Variants in METAP1D observed in about 807,000 individuals in gnomAD.
METAP1D encodes the protein methionyl aminopeptidase type 1D, mitochondrial.
METAP1D carries 31 observed loss-of-function variants against 40.5 expected under a neutral mutation model. The ratio of observed to expected loss-of-function variants is 0.77; its 90% CI spans 0.58 to 1.03. The LOEUF (loss-of-function observed/expected upper bound fraction) is 1.03, where lower values mean the gene tolerates loss of function less well. METAP1D is among the 50% of genes least tolerant of loss of function. METAP1D has a pLI of 0.00. For synonymous variants in METAP1D, 151 were observed against 146.4 expected (o/e 1.03, Z -0.22); for missense variants, 411 against 420.7 (o/e 0.98, Z 0.20).
chr2:172,069,138 A>G (rs1305127351), intron 5 of METAP1D, among the ~76,000 whole-genome samples: 1 of 152,060 alleles, frequency 6.6e-6, no homozygotes, highest in Non-Finnish European at 1.5e-5. Flanking sequence ...GCTGGTCTTA[A>G]ACTCCTGGTC....
At position 172,079,256 on chromosome 2, in the gene METAP1D, A is replaced by G; in HGVS notation, c.844A>G (p.Thr282Ala). ...DLPMEEGMAF[T>A]IEPIITEGSP... ...ACCCATGGAGGAGGGCATGGCATTCACTATAGGTAAATTGAGCTCCTCTTC... is the reference window on the plus strand; with the variant it reads ...ACCCATGGAGGAGGGCATGGCATTCGCTATAGGTAAATTGAGCTCCTCTTC... Residue 282 changes from threonine (T) to alanine (A), a missense_variant, in exon 8 of 10, where the codon ACT becomes GCT. Thr to Ala is a moderately conservative substitution (Grantham distance 58). Transcript: ENST00000315796. 1 of 1,613,768 alleles carries G rather than the reference A, an allele frequency of 6.2e-7. No homozygotes were observed. The highest frequency in any genetic ancestry group is 1.3e-5 in the African/African-American group (1 of 74,894).
rs1689549463 is a variant in METAP1D, at chr2:172,042,156, TACATGTGTACAC to T, written c.41-19340_41-19329del. Among the ~76,000 whole-genome samples the T allele has an allele frequency of 2.6e-5, 3 of 115,112 alleles. 1 individual carries two copies. Among genetic ancestry groups the T allele is most frequent in the Non-Finnish European group, 4.1e-5 (2 of 48,670 alleles). The allele number at this position is 115,112 out of a possible 152,430, so 75.5% of individuals were successfully genotyped here. ...ATATGTATATATACATATGTATGTG[TACATGTGTACAC>T]ATATACATATGTATGTGTACATGTG... On this transcript the variant is annotated intron_variant, in intron 1 of 9. Coordinates refer to ENST00000315796, the MANE Select transcript of METAP1D (RefSeq NM_199227.3).
chr2:172,053,556 C>G (rs1009613499), intron 1 of METAP1D, among the ~76,000 whole-genome samples: 5 of 152,188 alleles, frequency 3.3e-5, no homozygotes, highest in Non-Finnish European at 1.5e-5. Flanking sequence ...TCATTTAAAT[C>G]TGGCAGGCAT....
chr2:172,024,762 G>GTGTGTGTGTA lies in METAP1D; in HGVS notation c.40+24762_40+24763insATGTGTGTGT, dbSNP rs1553491387. Among the ~76,000 whole-genome samples the GTGTGTGTGTA allele has an allele frequency of 4.0e-4, 60 of 150,536 alleles. 1 individual carries two copies. Among genetic ancestry groups the GTGTGTGTGTA allele is most frequent in the Middle Eastern group, 3.4e-3 (1 of 292 alleles). ...AGACATATAGATTGTGTGTGTGTGT[G>GTGTGTGTGTA]TGTGTGTGTGTGTGTGTGTGTGTGT... On this transcript the variant is annotated intron_variant, in intron 1 of 9. Transcript: ENST00000315796.
At chr2:172,010,945 G>A (rs1257229543) in intron 1 of METAP1D, among the ~76,000 whole-genome samples, 1 of 151,830 alleles carries the variant, frequency 6.6e-6, no homozygotes, top group East Asian at 1.9e-4. Context: ...TAGAGGTGGG[G>A]TTTCACCATG....
In METAP1D at chr2:172,045,795, ATATG is replaced by A. The variant is rs1270785418; in HGVS notation, c.41-15701_41-15698del. On this transcript the variant is annotated intron_variant, in intron 1 of 9. Transcript: ENST00000315796. The stretch of plus-strand genomic sequence containing the variant: ...TGTATATATGTGTATGTATATGTAT[ATATG>A]TGTGTGTGTGTGTGTGTGTGTATAT... 8.2e-3 allele frequency among the ~76,000 whole-genome samples: 153 copies of A among 18,650 alleles called. 1 individual carries two copies. Among genetic ancestry groups the A allele is most frequent in the African/African-American group, 0.019 (123 of 6,536 alleles). The allele number at this position is 18,650 out of a possible 152,430, so 12.2% of individuals were successfully genotyped here.
rs557910635 is a variant in METAP1D at position 172,011,394 on chromosome 2, C to T, written c.40+11385C>T. Among the ~76,000 whole-genome samples, 10 of 151,766 alleles carry T rather than the reference C, an allele frequency of 6.6e-5. No individual in the cohort carries two copies. The East Asian group carries it at 1.9e-3, about 29-fold the overall frequency. ...CCGCATCCCAGGTTCATGCCATTCTCCTGCCTCAGCCTCCAGAGTAGCTGG... is the reference window on the plus strand; with the variant it reads ...CCGCATCCCAGGTTCATGCCATTCTTCTGCCTCAGCCTCCAGAGTAGCTGG... On this transcript the variant is annotated intron_variant, in intron 1 of 9. Transcript: ENST00000315796.
intron 1 of METAP1D, among the ~76,000 whole-genome samples, chr2:172,041,612 G>T (rs1318903281): frequency 2.4e-5 from 3 of 123,370 alleles, no homozygotes; most frequent in African/African-American, 8.0e-5. Flanking sequence ...CTGAAGACTG[G>T]TTGCCCCCAA....
At chr2:172,041,015 C>T (rs1250473136) in intron 1 of METAP1D, among the ~76,000 whole-genome samples, 1 of 151,726 alleles carries the variant, frequency 6.6e-6, no homozygotes, top group African/African-American at 2.4e-5. Flanking sequence ...ATCCGCCCGC[C>T]TCGGCCTCCC....
chr2:172,041,330 G>T (rs1258938459), intron 1 of METAP1D, among the ~76,000 whole-genome samples: 3 of 84,734 alleles, frequency 3.5e-5, no homozygotes, highest in African/African-American at 9.3e-5. Flanking sequence ...GTGGTGGTGT[G>T]CACCTATAGT....
chr2:172,027,461 T>C (rs1439291811), intron 1 of METAP1D, among the ~76,000 whole-genome samples: 1 of 152,234 alleles, frequency 6.6e-6, no homozygotes, highest in Non-Finnish European at 1.5e-5. Flanking sequence ...CTATCCCATA[T>C]AGCATAGGGA....
At chr2:172,032,604 A>G (rs1258273272) in intron 1 of METAP1D, among the ~76,000 whole-genome samples, 2 of 152,226 alleles carry the variant, frequency 1.3e-5, no homozygotes, top group Non-Finnish European at 2.9e-5. Flanking sequence ...TCTTTTTAGA[A>G]GTATTTCTGC....
At chr2:172,048,932 A>G (rs765575840) in intron 1 of METAP1D, among the ~76,000 whole-genome samples, 14 of 152,178 alleles carry the variant, frequency 9.2e-5, no homozygotes, top group Non-Finnish European at 1.9e-4. Flanking sequence ...TAAAGAGTAC[A>G]TGTTTTTTTG....
intron 1 of METAP1D, among the ~76,000 whole-genome samples, chr2:172,060,521 G>A (rs1194500205): frequency 6.6e-6 from 1 of 151,644 alleles, no homozygotes; most frequent in Non-Finnish European, 1.5e-5. Flanking sequence ...AATTTTATGA[G>A]CACGTGCAAG....
At chr2:172,020,584 A>G (rs1469222600) in intron 1 of METAP1D, among the ~76,000 whole-genome samples, 2 of 152,244 alleles carry the variant, frequency 1.3e-5, no homozygotes, top group Non-Finnish European at 2.9e-5. Context: ...GGCTTACTAT[A>G]TGCCAGACAC....
intron 1 of METAP1D, among the ~76,000 whole-genome samples, chr2:172,004,600 T>C (rs552127816): frequency 1.3e-5 from 2 of 152,074 alleles, no homozygotes; most frequent in Non-Finnish European, 2.9e-5. Context: ...GCTGGGATTA[T>C]AAGCATGAGC....
At chr2:172,078,886 G>A (rs1470528025) in intron 7 of METAP1D, among the ~76,000 whole-genome samples, 1 of 152,162 alleles carries the variant, frequency 6.6e-6, no homozygotes, top group Non-Finnish European at 1.5e-5. Flanking sequence ...CCAGTAGTAG[G>A]CTGGGAGACC....
At chr2:172,047,863 A>G (rs1689797055) in intron 1 of METAP1D, among the ~76,000 whole-genome samples, 1 of 152,202 alleles carries the variant, frequency 6.6e-6, no homozygotes, top group South Asian at 2.1e-4. Flanking sequence ...GCACAAATTT[A>G]AGAAGTATTC....
chr2:172,005,520 T>TTATATATATATATATATA (rs34982215), intron 1 of METAP1D, among the ~76,000 whole-genome samples: 327 of 110,860 alleles, frequency 2.9e-3, no homozygotes, highest in Non-Finnish European at 4.3e-3. Context: ...TGTCTGTATT[T>TTATATATATATATATATA]TATATATATA....
Sources: allele counts gnomAD v4.1 joint callset (sites outside exome capture counted in the v4.1 genomes callset), GRCh38; gene constraint gnomAD v4.1.1; transcripts MANE v1.5; gene names NCBI Gene and HGNC (gene_info 2026-07-23, HGNC 2026-07-21).